The following CSGALNACT1 variants were observed in gnomAD, a reference collection of about 807,000 sequenced individuals.
CSGALNACT1 encodes the protein chondroitin sulfate N-acetylgalactosaminyltransferase 1, also known as beta4GalNAcT-1.
CSGALNACT1 carries 52 observed loss-of-function variants against 51.0 expected under a neutral mutation model. That is an observed-to-expected ratio of 1.02 (90% CI 0.82 to 1.29). CSGALNACT1 has a LOEUF of 1.29. Ranked by LOEUF, CSGALNACT1 falls within the 50% of genes most tolerant of loss-of-function variation. The pLI is 0.00. For missense variants in CSGALNACT1, 935 were observed against 679.2 expected (o/e 1.38, Z -4.19); for synonymous variants, 341 against 254.4 (o/e 1.34, Z -3.24).
At chr8:19,474,238 C>CA (rs1383928732) in intron 4 of CSGALNACT1, among the ~76,000 whole-genome samples, 1 of 152,144 alleles carries the variant, frequency 6.6e-6, no homozygotes, top group Non-Finnish European at 1.5e-5. Flanking sequence ...CCAACACTCC[C>CA]ACCAACCTAG....
At chr8:19,655,577 C>CATAT (rs746855609) in intron 1 of CSGALNACT1, among the ~76,000 whole-genome samples, 144 of 147,630 alleles carry the variant, frequency 9.8e-4, no homozygotes, top group African/African-American at 3.0e-3. Flanking sequence ...CACACACACA[C>CATAT]ACATATATAT....
intron 1 of CSGALNACT1, among the ~76,000 whole-genome samples, chr8:19,740,860 T>C (rs2064268731): frequency 6.6e-6 from 1 of 152,218 alleles, no homozygotes; most frequent in Non-Finnish European, 1.5e-5. Context: ...AGTTATTTGC[T>C]TTATTATCAT....
At chr8:19,649,834 A>AAAACAACAAC (rs2057633561) in intron 1 of CSGALNACT1, among the ~76,000 whole-genome samples, 1 of 147,782 alleles carries the variant, frequency 6.8e-6, no homozygotes, top group Admixed American at 6.8e-5. Flanking sequence ...AAAAAAAAAA[A>AAAACAACAAC]AAAAAAAAAA....
At chr8:19,727,923 A>C (rs1347458188) in intron 1 of CSGALNACT1, among the ~76,000 whole-genome samples, 2 of 152,190 alleles carry the variant, frequency 1.3e-5, no homozygotes, top group Admixed American at 1.3e-4. Flanking sequence ...TATTTCCTTA[A>C]ACAACTAAAA....
At chr8:19,530,986 T>C (rs2082663031) in intron 3 of CSGALNACT1, among the ~76,000 whole-genome samples, 1 of 152,204 alleles carries the variant, frequency 6.6e-6, no homozygotes, top group Non-Finnish European at 1.5e-5. Context: ...AGTCAATCAG[T>C]ATCAGCTGAT....
intron 1 of CSGALNACT1, among the ~76,000 whole-genome samples, chr8:19,617,322 A>G (rs370295669): frequency 9.2e-5 from 14 of 152,302 alleles, no homozygotes; most frequent in African/African-American, 3.4e-4. Flanking sequence ...GGTTCCTAGC[A>G]GGCCATGGAT....
At chr8:19,441,835 A>G (rs995852750) in intron 5 of CSGALNACT1, among the ~76,000 whole-genome samples, 7 of 152,168 alleles carry the variant, frequency 4.6e-5, no homozygotes, top group African/African-American at 1.7e-4. Flanking sequence ...CAAAGGGCTA[A>G]TATCCAGAAT....
intron 5 of CSGALNACT1, among the ~76,000 whole-genome samples, chr8:19,441,352 T>C (rs2061307265): frequency 6.6e-6 from 1 of 152,232 alleles, no homozygotes; most frequent in South Asian, 2.1e-4. Context: ...AACAGCATGG[T>C]AGTGGTACCA....
intron 6 of CSGALNACT1, among the ~76,000 whole-genome samples, chr8:19,425,532 T>C (rs1356570108): frequency 1.3e-5 from 2 of 152,208 alleles, no homozygotes; most frequent in African/African-American, 4.8e-5. Flanking sequence ...TCCCTCTTTT[T>C]GCATGTAAAA....
At chr8:19,573,333 C>G (rs374886720) in intron 3 of CSGALNACT1, among the ~76,000 whole-genome samples, 1 of 152,234 alleles carries the variant, frequency 6.6e-6, no homozygotes, top group Non-Finnish European at 1.5e-5. Flanking sequence ...CTTTAAAAAT[C>G]CAGCAGTGGG....
At chr8:19,408,634 G>C (rs762200871) in exon 9 of CSGALNACT1, 4 of 1,613,908 alleles carry the variant, frequency 2.5e-6, no homozygotes, top group Admixed American at 1.7e-5. Flanking sequence ...AAGTCTGACC[G>C]ATACTGACAC....
At chr8:19,602,197 C>T (rs2050582599) in exon 1 of CSGALNACT1, 1 of 202,072 alleles carries the variant, frequency 4.9e-6, no homozygotes, top group South Asian at 7.4e-5. Context: ...CAGCGAGCCG[C>T]TTCCTAACTC....
intron 3 of CSGALNACT1, among the ~76,000 whole-genome samples, chr8:19,538,552 T>G (rs1311038116): frequency 1.3e-5 from 2 of 152,092 alleles, no homozygotes; most frequent in African/African-American, 4.8e-5. Context: ...ATTAAAGGAC[T>G]GGGTAATTTG....
chr8:19,446,531 T>G (rs1370272036), intron 5 of CSGALNACT1, among the ~76,000 whole-genome samples: 1 of 152,102 alleles, frequency 6.6e-6, no homozygotes, highest in Non-Finnish European at 1.5e-5. Context: ...ATTCACTCAT[T>G]CAGTTACTGA....
chr8:19,624,008 G>A (rs928086893), intron 1 of CSGALNACT1, among the ~76,000 whole-genome samples: 1 of 152,202 alleles, frequency 6.6e-6, no homozygotes, highest in Non-Finnish European at 1.5e-5. Flanking sequence ...GCTACTCCAT[G>A]GAACACAAGA....
chr8:19,668,001 C>G (rs902314842), intron 1 of CSGALNACT1, among the ~76,000 whole-genome samples: 1 of 152,126 alleles, frequency 6.6e-6, no homozygotes, highest in African/African-American at 2.4e-5. Context: ...CCTAACCATT[C>G]AAATATTAGA....
intron 3 of CSGALNACT1, among the ~76,000 whole-genome samples, chr8:19,554,379 C>T (rs1057376659): frequency 2.0e-5 from 3 of 152,088 alleles, no homozygotes; most frequent in Non-Finnish European, 2.9e-5. Flanking sequence ...CAGAGGCAGA[C>T]GGTGAGAGGA....
chr8:19,458,339 G>GGGGAAATGAAGGAGATGAC lies in CSGALNACT1; in HGVS notation c.851+68_851+86dup, dbSNP rs1280741999. 7.0e-5 allele frequency: 76 copies of GGGGAAATGAAGGAGATGAC among 1,093,252 alleles called. No homozygotes were observed. In the African/African-American group the frequency reaches 8.8e-4, roughly 13 times the overall value. The allele number at this position is 1,093,252 out of a possible 1,614,324, so 67.7% of individuals were successfully genotyped here. A position where few individuals can be genotyped will look rare whatever the true frequency, so the allele number is the denominator to read the frequency against. Reference sequence around the variant, plus strand: ...GAGAAAGGAGGCTTTGTACTCGGCAGGGGAAATGAAGGAGATGACGGGAAA... The same window carrying GGGGAAATGAAGGAGATGAC: ...GAGAAAGGAGGCTTTGTACTCGGCAGGGGAAATGAAGGAGATGACGGGAAATGAAGGAGATGACGGGAAA... On this transcript the variant is annotated intron_variant, in intron 5 of 9. Coordinates refer to ENST00000454498, the Ensembl canonical transcript of CSGALNACT1.
At chr8:19,577,223 G>A (rs183982394) in intron 3 of CSGALNACT1, among the ~76,000 whole-genome samples, 14 of 152,170 alleles carry the variant, frequency 9.2e-5, no homozygotes, top group Non-Finnish European at 1.5e-4. Context: ...TGTTCTCCAC[G>A]CGATACTAGC....
Sources: allele counts gnomAD v4.1 joint callset (sites outside exome capture counted in the v4.1 genomes callset), GRCh38; gene constraint gnomAD v4.1.1; transcripts MANE v1.5; gene names NCBI Gene and HGNC (gene_info 2026-07-23, HGNC 2026-07-21).